The following GALNT9 variants were observed in gnomAD, a reference collection of about 807,000 sequenced individuals.
The protein encoded by GALNT9 is polypeptide N-acetylgalactosaminyltransferase 9.
A neutral mutation model predicts 63.1 loss-of-function variants in GALNT9; 47 were observed. The ratio of observed to expected loss-of-function variants is 0.75; its 90% CI spans 0.59 to 0.95. The LOEUF (loss-of-function observed/expected upper bound fraction) is 0.95, where lower values mean the gene tolerates loss of function less well. Among genes scored for constraint, GALNT9 ranks in the 40% least tolerant of loss-of-function variants. The pLI is 0.00. For missense variants in GALNT9, 829 were observed against 874.8 expected (o/e 0.95, Z 0.66); for synonymous variants, 396 against 365.7 (o/e 1.08, Z -0.94).
chr12:132,248,968 G>C (rs1377255646), intron 5 of GALNT9, among the ~76,000 whole-genome samples: 2 of 152,218 alleles, frequency 1.3e-5, no homozygotes, highest in South Asian at 2.1e-4. Context: ...AGAGTGGAGC[G>C]GGAGGATAAG....
chr12:132,200,651 T>C (rs1875978670), intron 8 of GALNT9: 1 of 155,968 alleles, frequency 6.4e-6, no homozygotes, highest in Non-Finnish European at 1.4e-5. Context: ...TGTATACTCG[T>C]GTCCGCGTGC....
At chr12:132,225,802 A>G (rs1877651571) in intron 6 of GALNT9, among the ~76,000 whole-genome samples, 1 of 129,788 alleles carries the variant, frequency 7.7e-6, no homozygotes, top group African/African-American at 3.0e-5. Flanking sequence ...CACACAACCC[A>G]CACCCCACTG....
chr12:132,264,629 G>A (rs1390519982), intron 2 of GALNT9, among the ~76,000 whole-genome samples: 1 of 152,256 alleles, frequency 6.6e-6, no homozygotes, highest in African/African-American at 2.4e-5. Context: ...GTCCAGGGCA[G>A]CAAACCCACC....
Position 132,236,262 on chromosome 12 carries a change from G to A in GALNT9, c.1077+11648C>T, listed in dbSNP as rs1877998429. The stretch of plus-strand genomic sequence containing the variant: ...ATCAGCAATGACAGCCCCGACAGGC[G>A]GCTGGCGGGGAGCGGGTGGGGGCCA... On this transcript the variant is annotated intron_variant, in intron 6 of 10. Transcript: ENST00000328957. This position sits in a 1 kb window ranked among gnomAD's most constrained non-coding sequence, Gnocchi z 5.6. Among the ~76,000 whole-genome samples, 2 of 151,992 alleles carry A rather than the reference G, an allele frequency of 1.3e-5. No individual in the cohort carries two copies. Among genetic ancestry groups the A allele is most frequent in the African/African-American group, 4.8e-5 (2 of 41,356 alleles).
chr12:132,250,805 C>G (rs1878885599), intron 5 of GALNT9, among the ~76,000 whole-genome samples: 2 of 152,066 alleles, frequency 1.3e-5, no homozygotes, highest in East Asian at 3.9e-4. Context: ...ACAACAACAA[C>G]AAAGGCTCAG....
chr12:132,255,728 CAT>C (rs1555238983), intron 5 of GALNT9, among the ~76,000 whole-genome samples: 2 of 152,258 alleles, frequency 1.3e-5, no homozygotes, highest in African/African-American at 4.8e-5. Flanking sequence ...GCACACCTGA[CAT>C]GTGTGCATTG....
intron 1 of GALNT9, among the ~76,000 whole-genome samples, chr12:132,303,073 G>C (rs1881365366): frequency 7.8e-6 from 1 of 128,638 alleles, no homozygotes; most frequent in Admixed American, 7.3e-5. Flanking sequence ...CCCACCCTCT[G>C]TCTGTCTCTC....
At chr12:132,211,527 G>A (rs781238986) in intron 6 of GALNT9, among the ~76,000 whole-genome samples, 7 of 152,012 alleles carry the variant, frequency 4.6e-5, no homozygotes, top group South Asian at 4.2e-4. Context: ...GCTGCCTTTC[G>A]CGCTGGCCAG....
intron 6 of GALNT9, among the ~76,000 whole-genome samples, chr12:132,241,597 A>C (rs1475546664): frequency 6.6e-4 from 28 of 42,746 alleles, no homozygotes; most frequent in Admixed American, 9.2e-4. Flanking sequence ...CCCTCCCTAT[A>C]CCCATTACAC....
intron 1 of GALNT9, among the ~76,000 whole-genome samples, chr12:132,306,515 C>G (rs1881619105): frequency 6.6e-6 from 1 of 152,186 alleles, no homozygotes; most frequent in Admixed American, 6.5e-5. Flanking sequence ...GCAACAAGTT[C>G]TTAAGGCGAA....
chr12:132,308,301 G>A (rs894800859), intron 1 of GALNT9, among the ~76,000 whole-genome samples: 1 of 152,230 alleles, frequency 6.6e-6, no homozygotes, highest in African/African-American at 2.4e-5. Flanking sequence ...AAGAAGAAAT[G>A]TGTGTCATTT....
Position 132,258,406 on chromosome 12 carries a change from C to T in GALNT9, c.762-520G>A, listed in dbSNP as rs56065627. ...CAATCCGTGCCACGGGGAGCTCGCA[C>T]GGTGTGGGATGAAAAGCCACCAGGC... On this transcript the variant is annotated intron_variant, in intron 4 of 10. Coordinates refer to ENST00000328957, the MANE Select transcript of GALNT9 (RefSeq NM_001122636.2). Among the ~76,000 whole-genome samples, 14 of 152,338 alleles carry T rather than the reference C, an allele frequency of 9.2e-5. No individual in the cohort carries two copies. In the East Asian group the frequency reaches 1.4e-3, roughly 15 times the overall value.
At chr12:132,217,327 A>C (rs926036699) in intron 6 of GALNT9, among the ~76,000 whole-genome samples, 1 of 145,756 alleles carries the variant, frequency 6.9e-6, no homozygotes, top group Non-Finnish European at 1.5e-5. Flanking sequence ...TCACCCATCC[A>C]TCCACCCACT....
intron 4 of GALNT9, among the ~76,000 whole-genome samples, chr12:132,258,205 A>G (rs73469881): frequency 0.032 from 4,877 of 152,212 alleles, 254 homozygotes; most frequent in African/African-American, 0.11. Context: ...GAGGTCAGCT[A>G]TGTCCACCAC....
chr12:132,304,743 A>G (rs553011280), intron 1 of GALNT9, among the ~76,000 whole-genome samples: 57 of 18,566 alleles, frequency 3.1e-3, no homozygotes, highest in South Asian at 6.0e-3. Flanking sequence ...ACCCTCACCC[A>G]GACACAGCCT....
Position 132,220,597 on chromosome 12 carries a change from T to G in GALNT9, c.1078-16907A>C, listed in dbSNP as rs144589694. 8.6e-3 allele frequency among the ~76,000 whole-genome samples: 1,309 copies of G among 152,244 alleles called. 20 individuals carry two copies. Among genetic ancestry groups the G allele is most frequent in the African/African-American group, 0.03 (1,246 of 41,530 alleles). The stretch of plus-strand genomic sequence containing the variant: ...TGGATGTGGCTGAAGAGAGGACTTG[T>G]TCCTTGGAGTGCAGAACCAGGGGAA... On this transcript the variant is annotated intron_variant, in intron 6 of 10. Coordinates refer to ENST00000328957, the MANE Select transcript of GALNT9 (RefSeq NM_001122636.2).
Position 132,225,121 on chromosome 12 carries a change from TACCAC to T in GALNT9, c.1078-21436_1078-21432del, listed in dbSNP as rs1250925108. 4.9e-5 allele frequency among the ~76,000 whole-genome samples: 5 copies of T among 102,410 alleles called. No individual in the cohort carries two copies. The East Asian group carries it at 1.4e-3, about 28-fold the overall frequency. 67.2% of individuals were successfully genotyped at this position (102,410 alleles called of 152,430 possible). A position where few individuals can be genotyped will look rare whatever the true frequency, so the allele number is the denominator to read the frequency against. On this transcript the variant is annotated intron_variant, in intron 6 of 10. Transcript: ENST00000328957. Reference sequence around the variant, plus strand: ...GTACATACACACCCCCACATATACATACCACACAACTCACACCTCACACACTGTAC... The same window carrying T: ...GTACATACACACCCCCACATATACATACAACTCACACCTCACACACTGTAC...
chr12:132,225,685 TAC>T (rs1321730281), intron 6 of GALNT9, among the ~76,000 whole-genome samples: 1 of 117,754 alleles, frequency 8.5e-6, no homozygotes, highest in Non-Finnish European at 1.7e-5. Flanking sequence ...ACACTGTACG[TAC>T]ACACCCCATA....
chr12:132,269,745 G>A (rs1189196426), intron 2 of GALNT9, among the ~76,000 whole-genome samples: 2 of 152,270 alleles, frequency 1.3e-5, no homozygotes, highest in African/African-American at 2.4e-5. Flanking sequence ...GCGTGGGGCC[G>A]GATCCCGGTG....
Sources: allele counts gnomAD v4.1 joint callset (sites outside exome capture counted in the v4.1 genomes callset), GRCh38; gene constraint gnomAD v4.1.1; non-coding constraint Gnocchi (gnomAD v3.1); transcripts MANE v1.5; gene names NCBI Gene and HGNC (gene_info 2026-07-23, HGNC 2026-07-21).